The following HSP90AA1 variants were observed in gnomAD, a reference collection of about 807,000 sequenced individuals.
The protein encoded by HSP90AA1 is heat shock protein HSP 90-alpha.
HSP90AA1 carries 18 observed loss-of-function variants against 73.3 expected under a neutral mutation model. The ratio of observed to expected loss-of-function variants is 0.25; its 90% confidence interval spans 0.17 to 0.36. HSP90AA1 has a LOEUF of 0.36. HSP90AA1 is among the 10% of genes least tolerant of loss of function. The pLI is 1.00. For missense variants in HSP90AA1, 704 were observed against 874.2 expected, an observed-to-expected ratio of 0.81 and a Z score of 2.45; for synonymous variants, 477 against 296.9, an observed-to-expected ratio of 1.61 and a Z score of -6.24.
At chr14:102,133,132 T>C (rs1403217179) in intron 1 of HSP90AA1, among the ~76,000 whole-genome samples, 1 of 150,546 alleles carries the variant, frequency 6.6e-6, no homozygotes, top group Non-Finnish European at 1.5e-5. Context: ...ACACAAAAAT[T>C]AGCCAAGCAT....
chr14:102,100,358 C>T (rs923503325), intron 2 of HSP90AA1, among the ~76,000 whole-genome samples: 1 of 151,936 alleles, frequency 6.6e-6, no homozygotes, highest in African/African-American at 2.4e-5. Context: ...TATTATTGGG[C>T]CACTGCAATG....
chr14:102,105,301 G>A (rs11850020), intron 1 of HSP90AA1, among the ~76,000 whole-genome samples: 16 of 150,382 alleles, frequency 1.1e-4, no homozygotes, highest in African/African-American at 3.7e-4. Flanking sequence ...GGGATTCAAA[G>A]AACACCCAGT....
chr14:102,084,081 C>CGTA, intron 6 of HSP90AA1, 98 bp from the exon 7 acceptor site: 1 of 971,956 alleles, frequency 1.0e-6, no homozygotes, highest in Admixed American at 2.0e-5. Context: ...GATGATGGGA[C>CGTA]GTATTTTTGA....
intron 1 of HSP90AA1, among the ~76,000 whole-genome samples, chr14:102,135,240 C>A (rs1470069445): frequency 6.6e-6 from 1 of 151,810 alleles, no homozygotes; most frequent in Non-Finnish European, 1.5e-5. Flanking sequence ...CACTCACAAA[C>A]CTTGAGCTAA....
chr14:102,097,193 C>T (rs1057199048), intron 2 of HSP90AA1, among the ~76,000 whole-genome samples: 1 of 152,118 alleles, frequency 6.6e-6, no homozygotes, highest in Non-Finnish European at 1.5e-5. Flanking sequence ...TCCATGTTGG[C>T]CAGGCTGGTC....
At chr14:102,129,566 G>A (rs1426711322) in intron 1 of HSP90AA1, among the ~76,000 whole-genome samples, 3 of 142,948 alleles carry the variant, frequency 2.1e-5, no homozygotes, top group Non-Finnish European at 3.0e-5. Flanking sequence ...GCAGTGGCTT[G>A]ATCTCAGCTC....
intron 1 of HSP90AA1, among the ~76,000 whole-genome samples, chr14:102,108,287 A>AT (rs1555363364): frequency 2.7e-5 from 4 of 149,914 alleles, no homozygotes; most frequent in Non-Finnish European, 5.9e-5. Flanking sequence ...AAAAAAAAAA[A>AT]TTGGGCCTCG....
At position 102,107,572 on chromosome 14, in the gene HSP90AA1, C is replaced by G. The variant is rs184013354; in HGVS notation, c.156-5487G>C. Among the ~76,000 whole-genome samples the G allele has an allele frequency of 3.5e-4, 53 of 152,202 alleles. No individual in the cohort carries two copies. The East Asian group carries it at 8.1e-3, about 23-fold the overall frequency. ...TCTCTTGACCTCATGATCCACCTGC[C>G]TTGGCCTCCCAAAGTGCTGGGATTA... On this transcript the variant is annotated intron_variant, in intron 1 of 11. Transcript: ENST00000334701.
At position 102,086,141 on chromosome 14, in the gene HSP90AA1, T is replaced by C; in HGVS notation, c.163-17A>G. The C allele has an allele frequency of 6.2e-7, 1 of 1,613,950 alleles. No homozygotes were observed. The highest frequency in any genetic ancestry group is 8.5e-7 in the Non-Finnish European group (1 of 1,179,840). Reference sequence around the variant, plus strand: ...GTCCAATGCCTGTTAACAAAAAATATTAATTTAAGCATACAGCACCCCCAA... The same window carrying C: ...GTCCAATGCCTGTTAACAAAAAATACTAATTTAAGCATACAGCACCCCCAA... On this transcript the variant is annotated splice_polypyrimidine_tract_variant and intron_variant, in intron 2 of 10. Coordinates refer to ENST00000216281, the MANE Select transcript of HSP90AA1 (RefSeq NM_005348.4).
In HSP90AA1 at chr14:102,081,745, A is replaced by T; in HGVS notation, c.2166T>A (p.Asp722Glu). Residue 722 changes from aspartate to glutamate, a missense_variant, in exon 11 of 11, where the codon GAT becomes GAA. Transcript: ENST00000216281. ...CTTCTTCCATGCGTGATGTGTCGTC[A>T]TCTCCTTCAAGGGGTGGCATTTCTT... Reference protein sequence around the residue: ...VTEEMPPLEGDDDTSRMEEVD With the variant: ...VTEEMPPLEGEDDTSRMEEVD 6.3e-7 allele frequency: 1 copy of T among 1,589,212 alleles called. No individual in the cohort carries two copies. Among genetic ancestry groups the T allele is most frequent in the Non-Finnish European group, 8.6e-7 (1 of 1,157,382 alleles).
chr14:102,134,833 G>C (rs994717429), intron 1 of HSP90AA1, among the ~76,000 whole-genome samples: 1 of 152,178 alleles, frequency 6.6e-6, no homozygotes, highest in Admixed American at 6.5e-5. Flanking sequence ...AACCCGAGCG[G>C]GTTGCCAATG....
In HSP90AA1 at chr14:102,080,999, T is replaced by A. The variant is rs2049085045; in HGVS notation, c.*713A>T. On this transcript the variant is annotated 3_prime_UTR_variant, in exon 11 of 11. Coordinates refer to ENST00000216281, the MANE Select transcript of HSP90AA1 (RefSeq NM_005348.4). ...ATGTTTTACATTTTGGCACTAACTG[T>A]CATCCAGATACTCCCCTTTCCCCCT... is the stretch of plus-strand genomic sequence containing the variant. 2 of 227,396 alleles carry A rather than the reference T, an allele frequency of 8.8e-6. No individual in the cohort carries two copies. Among genetic ancestry groups the A allele is most frequent in the Admixed American group, 1.1e-4 (2 of 17,580 alleles). The allele number at this position is 227,396 out of a possible 1,614,324, so 14.1% of individuals were successfully genotyped here.
At chr14:102,094,150 C>T (rs931524303) in intron 2 of HSP90AA1, among the ~76,000 whole-genome samples, 2 of 152,176 alleles carry the variant, frequency 1.3e-5, no homozygotes, top group African/African-American at 4.8e-5. Flanking sequence ...CTTCAAAGGC[C>T]GGCTTGGGGT....
intron 7 of HSP90AA1, 49 bp downstream of exon 7, chr14:102,083,744 A>C (rs201811488): frequency 1.7e-4 from 272 of 1,596,098 alleles, no homozygotes; most frequent in Admixed American, 3.3e-4. Flanking sequence ...AAAAAAAAAA[A>C]AAAAAACTAA....
intron 1 of HSP90AA1, among the ~76,000 whole-genome samples, chr14:102,136,550 CAG>C (rs1342366531): frequency 1.3e-5 from 1 of 79,910 alleles, no homozygotes; most frequent in African/African-American, 5.2e-5. Flanking sequence ...GCCTGGGCGA[CAG>C]AGTGAGACTC....
At chr14:102,130,269 G>A (rs1045436624) in intron 1 of HSP90AA1, among the ~76,000 whole-genome samples, 3 of 151,916 alleles carry the variant, frequency 2.0e-5, no homozygotes, top group East Asian at 1.9e-4. Context: ...GCGCCCGGCC[G>A]TGTGAATATG....
At chr14:102,101,039 C>G (rs1248630337) in intron 2 of HSP90AA1, among the ~76,000 whole-genome samples, 1 of 152,142 alleles carries the variant, frequency 6.6e-6, no homozygotes, top group Non-Finnish European at 1.5e-5. Context: ...TGGACACAGC[C>G]GGCTGGGGGC....
chr14:102,086,563 G>A (rs921178002), intron 1 of HSP90AA1, among the ~76,000 whole-genome samples, 185 bp from the exon 2 acceptor site: 1 of 152,076 alleles, frequency 6.6e-6, no homozygotes, highest in East Asian at 1.9e-4. Flanking sequence ...TACCACGAGC[G>A]TGTGCGCGCT....
chr14:102,139,521 G>A, exon 1 of HSP90AA1: 10 of 1,095,350 alleles, frequency 9.1e-6, no homozygotes, highest in Non-Finnish European at 1.1e-5. Flanking sequence ...GGAGACCGCT[G>A]AGGAGGCACC....
Sources: gnomAD v4.1 joint callset for allele counts (sites outside exome capture counted in the v4.1 genomes callset) on GRCh38, gnomAD v4.1.1 for gene constraint, MANE v1.5 for transcripts, NCBI Gene and HGNC (gene_info 2026-07-23, HGNC 2026-07-21) for gene names.